DHRS12: variants seen among roughly 807,000 people sequenced by gnomAD.
The protein encoded by DHRS12 is dehydrogenase/reductase SDR family member 12.
In DHRS12, 29 loss-of-function variants were observed where a neutral mutation model predicts 32.1. The ratio of observed to expected loss-of-function variants is 0.90; its 90% CI spans 0.67 to 1.23. The LOEUF is 1.23. Among genes scored for constraint, DHRS12 ranks in the 50% most tolerant of loss-of-function variants. The pLI is 0.00. For missense variants in DHRS12, 330 were observed against 337.2 expected (o/e 0.98, Z 0.17); for synonymous variants, 150 against 135.9 (o/e 1.10, Z -0.72).
the DHRS12 span, chr13:51,761,872 A>G: frequency 6.6e-6 from 1 of 152,220 alleles, no homozygotes; most frequent in African/African-American, 2.4e-5. Flanking sequence ...AGAGGCACAC[A>G]CGCATGCCCC....
chr13:51,771,339 TC>T, intron 7 of DHRS12: 2 of 1,605,102 alleles, frequency 1.2e-6, no homozygotes, highest in Non-Finnish European at 1.7e-6. Context: ...AGAATTCTGC[TC>T]CCCTCCACCG....
At chr13:51,803,781 C>T (rs926169292) in intron 1 of DHRS12, 3 of 300,990 alleles carry the variant, frequency 1.0e-5, no homozygotes, top group Non-Finnish European at 1.8e-5. Flanking sequence ...GGCCGCCTGA[C>T]GTCAGTGGGA....
chr13:51,764,843 C>G (rs1468861076), downstream of DHRS12: 6 of 152,456 alleles, frequency 3.9e-5, no homozygotes, highest in East Asian at 7.7e-4. Flanking sequence ...GACTCCCAGA[C>G]TAACGCCAAA....
intron 3 of DHRS12, 78 bp from the exon 4 acceptor site, chr13:51,790,170 C>T: frequency 9.4e-7 from 1 of 1,066,692 alleles, no homozygotes; most frequent in Non-Finnish European, 1.3e-6. Context: ...ACCTCCACTA[C>T]CCCACCCCCA....
At chr13:51,793,098 T>A (rs1049458876) in intron 2 of DHRS12, among the ~76,000 whole-genome samples, 3 of 152,174 alleles carry the variant, frequency 2.0e-5, no homozygotes, top group African/African-American at 7.2e-5. Context: ...GGCTTAGAAC[T>A]CCATGAGTAA....
chr13:51,763,300 C>T (rs1333759841), downstream of DHRS12: 1 of 152,138 alleles, frequency 6.6e-6, no homozygotes, highest in Non-Finnish European at 1.5e-5. Context: ...GTTTTTTTGG[C>T]TCCGGCCCTG....
chr13:51,788,302 T>C (rs991859093), intron 4 of DHRS12, among the ~76,000 whole-genome samples: 10 of 152,116 alleles, frequency 6.6e-5, no homozygotes, highest in African/African-American at 1.9e-4. Context: ...CACATTTTGG[T>C]ACTTTTGGTC....
intron 2 of DHRS12, chr13:51,797,856 C>T (rs933704037): frequency 6.5e-7 from 1 of 1,535,666 alleles, no homozygotes; most frequent in African/African-American, 1.4e-5. Flanking sequence ...TGATCTCACC[C>T]CTGGCATCTT....
chr13:51,789,750 T>G (rs758417775), intron 4 of DHRS12: 1 of 985,370 alleles, frequency 1.0e-6, no homozygotes. Context: ...TTCAAAACAA[T>G]GTCTATAAAC....
At chr13:51,789,587 G>A (rs1955164290) in intron 4 of DHRS12, 2 of 985,424 alleles carry the variant, frequency 2.0e-6, no homozygotes, top group Non-Finnish European at 2.4e-6. Context: ...TTACAGAGTA[G>A]CAACCAGAGC....
At chr13:51,766,777 A>ATCTC (rs1339185685), downstream of DHRS12, 1 of 152,260 alleles carries the variant, frequency 6.6e-6, no homozygotes, top group Non-Finnish European at 1.5e-5. Context: ...TTTAAAATAA[A>ATCTC]TCTCTGTGAA....
Position 51,799,171 on chromosome 13 carries a change from A to G in DHRS12, c.126+363T>C, listed in dbSNP as rs901190712. On this transcript the variant is annotated intron_variant, in intron 2 of 8. Transcript: ENST00000444610. ...CTCTCACCCCAGGAGAGTCTCATTG[A>G]GAAGACATGAGTTAGAGACCAGGTG... is the stretch of plus-strand genomic sequence containing the variant. 8.5e-5 allele frequency among the ~76,000 whole-genome samples: 13 copies of G among 152,326 alleles called. No individual in the cohort carries two copies. In the East Asian group the frequency reaches 2.3e-3, roughly 27 times the overall value.
chr13:51,766,916 C>T (rs1326386353), downstream of DHRS12: 1 of 152,414 alleles, frequency 6.6e-6, no homozygotes, highest in Admixed American at 6.5e-5. Flanking sequence ...ACCACTCCAC[C>T]TGCTGTCTAG....
intron 2 of DHRS12, among the ~76,000 whole-genome samples, chr13:51,795,047 C>T (rs145057119): frequency 1.3e-5 from 2 of 151,808 alleles, no homozygotes; most frequent in East Asian, 3.9e-4. Flanking sequence ...TGATATTCAC[C>T]TCTCTATATG....
chr13:51,781,661 G>A (rs487295), intron 4 of DHRS12, among the ~76,000 whole-genome samples: 327 of 152,306 alleles, frequency 2.1e-3, no homozygotes, highest in African/African-American at 7.4e-3. Context: ...AAGAAGGGCT[G>A]CAGGTATGGA....
At chr13:51,776,860 G>T (rs905963478) in intron 5 of DHRS12, among the ~76,000 whole-genome samples, 200 bp downstream of exon 5, 1 of 152,124 alleles carries the variant, frequency 6.6e-6, no homozygotes, top group Non-Finnish European at 1.5e-5. Flanking sequence ...GGGGTTGGGG[G>T]GGTTCAGAGA....
intron 4 of DHRS12, among the ~76,000 whole-genome samples, chr13:51,778,051 ATGTG>A (rs1954527048): frequency 6.6e-6 from 1 of 152,188 alleles, no homozygotes; most frequent in Non-Finnish European, 1.5e-5. Flanking sequence ...ACCGCCCGCC[ATGTG>A]GCCTGCATCC....
At chr13:51,776,544 G>T in intron 5 of DHRS12, 1 of 161,788 alleles carries the variant, frequency 6.2e-6, no homozygotes, top group Non-Finnish European at 1.4e-5. Context: ...AGGTGACATA[G>T]TCACAGGTTC....
intron 4 of DHRS12, among the ~76,000 whole-genome samples, chr13:51,784,416 T>A (rs1333225083): frequency 6.6e-6 from 1 of 152,162 alleles, no homozygotes; most frequent in Non-Finnish European, 1.5e-5. Flanking sequence ...GAGGTAGCAC[T>A]GCCAGTGCCA....
Sources: gnomAD v4.1 joint callset for allele counts (sites outside exome capture counted in the v4.1 genomes callset) on GRCh38, gnomAD v4.1.1 for gene constraint, MANE v1.5 for transcripts, NCBI Gene and HGNC (gene_info 2026-07-23, HGNC 2026-07-21) for gene names.